Variants in GMEB2 observed in about 807,000 individuals in gnomAD.
GMEB2 encodes the protein glucocorticoid modulatory element-binding protein 2.
A neutral mutation model predicts 45.7 loss-of-function variants in GMEB2; 7 were observed. The observed-to-expected ratio is 0.15, with a 90% confidence interval of 0.09 to 0.29. The LOEUF (loss-of-function observed/expected upper bound fraction) is 0.29, where lower values mean the gene tolerates loss of function less well. Ranked by LOEUF, GMEB2 falls within the 10% of genes least tolerant of loss-of-function variation. The pLI is 1.00. For missense variants in GMEB2, 582 were observed against 739.2 expected, an observed-to-expected ratio of 0.79 and a Z score of 2.47; for synonymous variants, 322 against 323.6, an observed-to-expected ratio of 1.00 and a Z score of 0.05.
Position 63,598,044 on chromosome 20 carries a change from C to T in GMEB2, c.358-184G>A, listed in dbSNP as rs149239983. 4.9e-3 allele frequency among the ~76,000 whole-genome samples: 752 copies of T among 152,286 alleles called. 5 individuals are homozygous for T. Among genetic ancestry groups the T allele is most frequent in the African/African-American group, 0.017 (722 of 41,552 alleles). ...AGGACATGACCCACAGGCACGGTGG[C>T]TGCAGTGGGGAGTGGTGTCTCCTCC... On this transcript the variant is annotated intron_variant, in intron 4 of 9. Transcript: ENST00000370077.
chr20:63,593,205 A>C lies in GMEB2; in HGVS notation c.620-123T>G. ...TCCATCTGTCTTCACAAAACTGACAAACACAGGATACGCACTAGTACAGCC... is the reference window on the plus strand; with the variant it reads ...TCCATCTGTCTTCACAAAACTGACACACACAGGATACGCACTAGTACAGCC... On this transcript the variant is annotated intron_variant, in intron 6 of 9. Coordinates refer to ENST00000370077, the MANE Select transcript of GMEB2 (RefSeq NM_012384.5). The surrounding 1 kb of genome is among the most constrained non-coding windows in gnomAD (Gnocchi z 4.7). 1 of 677,332 alleles carries C rather than the reference A, an allele frequency of 1.5e-6. No individual in the cohort carries two copies. The highest frequency in any genetic ancestry group is 1.6e-5 in the South Asian group (1 of 62,558). 42.0% of individuals were successfully genotyped at this position (677,332 alleles called of 1,614,324 possible). A position where few individuals can be genotyped will look rare whatever the true frequency, so the allele number is the denominator to read the frequency against.
chr20:63,602,943 C>T (rs770748430), intron 4 of GMEB2, 22 bp downstream of exon 4: 2 of 1,611,872 alleles, frequency 1.2e-6, no homozygotes, highest in East Asian at 2.2e-5. Context: ...TCTCCTGGGC[C>T]CTGAATGCAG....
chr20:63,588,851 C>T lies in GMEB2; in HGVS notation c.*1238G>A, dbSNP rs1180625336. 2 of 398,464 alleles carry T rather than the reference C, an allele frequency of 5.0e-6. No homozygotes were observed. The highest frequency in any genetic ancestry group is 8.8e-6 in the Non-Finnish European group (2 of 226,078). 24.7% of individuals were successfully genotyped at this position (398,464 alleles called of 1,614,324 possible). A position where few individuals can be genotyped will look rare whatever the true frequency, so the allele number is the denominator to read the frequency against. Reference sequence around the variant, plus strand: ...TCCCTGAGATGCCTGCCCCAGGACCCTGGCCTGGAGGGGCCTCAGCCTGGT... The same window carrying T: ...TCCCTGAGATGCCTGCCCCAGGACCTTGGCCTGGAGGGGCCTCAGCCTGGT... On this transcript the variant is annotated 3_prime_UTR_variant, in exon 10 of 10. Coordinates refer to ENST00000370077, the MANE Select transcript of GMEB2 (RefSeq NM_012384.5).
chr20:63,624,703 A>G (rs2089659633), intron 1 of GMEB2, among the ~76,000 whole-genome samples: 2 of 152,146 alleles, frequency 1.3e-5, no homozygotes, highest in African/African-American at 4.8e-5. Flanking sequence ...TGGCAACTGC[A>G]TACATACATA....
intron 1 of GMEB2, among the ~76,000 whole-genome samples, chr20:63,625,602 AC>A (rs1484935904): frequency 6.7e-5 from 10 of 149,868 alleles, no homozygotes; most frequent in Admixed American, 4.7e-4. Context: ...ATTTTATTTT[AC>A]TTTTTTTTTT....
chr20:63,621,379 A>G (rs1003562982), intron 1 of GMEB2, among the ~76,000 whole-genome samples: 13 of 152,232 alleles, frequency 8.5e-5, no homozygotes, highest in African/African-American at 3.1e-4. Flanking sequence ...CACACATTTA[A>G]AAACAGTTAA....
intron 9 of GMEB2, among the ~76,000 whole-genome samples, chr20:63,591,475 G>GT (rs3838005): frequency 0.51 from 77,614 of 151,058 alleles, 20,817 homozygotes; most frequent in Middle Eastern, 0.66. Context: ...CTCTGTCATT[G>GT]TTTTTTTTTG....
At position 63,592,687 on chromosome 20, in the gene GMEB2, G is replaced by A. The variant is rs1435055271; in HGVS notation, c.692-17C>T. On this transcript the variant is annotated splice_polypyrimidine_tract_variant and intron_variant, in intron 7 of 9. Coordinates refer to ENST00000370077, the MANE Select transcript of GMEB2 (RefSeq NM_012384.5). The surrounding 1 kb of genome is among the most constrained non-coding windows in gnomAD (Gnocchi z 8.2). The stretch of plus-strand genomic sequence containing the variant: ...ATGTGTCATCTGTGAGGGAAGGAGT[G>A]GGTTCAGTGGGCAGGGAAAGTGCTG... 6.2e-7 allele frequency: 1 copy of A among 1,609,722 alleles called. No individual in the cohort carries two copies.
In GMEB2 at chr20:63,590,143, C is replaced by A; in HGVS notation, c.1539G>T (p.Glu513Asp). The change falls in exon 10 of 10, where the codon GAG (glutamate) becomes GAT (aspartate). Residue 513 changes from glutamate to aspartate, a missense_variant. Physicochemically the swap from Glu to Asp is conservative, Grantham distance 45. This residue lies in a region of GMEB2 where 462 missense variants were observed against 586.7 expected (regional missense o/e 0.79). Transcript: ENST00000370077. ...VPAGAAPGPE[E>D]HTATIEVAAM... Reference sequence around the variant, plus strand: ...CAGCCACCTCAATGGTGGCCGTGTGCTCCTCAGGCCCGGGGGCAGCCCCTG... The same window carrying A: ...CAGCCACCTCAATGGTGGCCGTGTGATCCTCAGGCCCGGGGGCAGCCCCTG... 6.4e-7 allele frequency: 1 copy of A among 1,554,950 alleles called. No homozygotes were observed. The highest frequency in any genetic ancestry group is 1.2e-5 in the South Asian group (1 of 84,628).
chr20:63,598,219 T>C (rs1469629483), intron 4 of GMEB2, among the ~76,000 whole-genome samples: 1 of 152,170 alleles, frequency 6.6e-6, no homozygotes, highest in African/African-American at 2.4e-5. Context: ...CGTTATTGCA[T>C]ACGTTACATC....
chr20:63,593,709 T>A lies in GMEB2; in HGVS notation c.620-627A>T, dbSNP rs865869530. Among the ~76,000 whole-genome samples the A allele has an allele frequency of 1.8e-4, 28 of 152,232 alleles. No homozygotes were observed. In the South Asian group the frequency reaches 5.6e-3, roughly 30 times the overall value. On this transcript the variant is annotated intron_variant, in intron 6 of 9. Coordinates refer to ENST00000370077, the MANE Select transcript of GMEB2 (RefSeq NM_012384.5). This position sits in a 1 kb window ranked among gnomAD's most constrained non-coding sequence, Gnocchi z 4.7. ...TTGGGCGTTGCTGATAGAGACTTTA[T>A]ACACAGATCTGGCTTAAAAAACAAA...
chr20:63,604,200 G>GGA (rs372740409), intron 3 of GMEB2, among the ~76,000 whole-genome samples: 4 of 118,966 alleles, frequency 3.4e-5, no homozygotes, highest in East Asian at 2.6e-4. Flanking sequence ...CCTATTTCTT[G>GGA]AAAAAAAAAA....
intron 1 of GMEB2, among the ~76,000 whole-genome samples, chr20:63,626,532 G>GGGTGGCCCCTGCGGGTCGCGT (rs1404294489): frequency 1.1e-5 from 1 of 90,280 alleles, no homozygotes; most frequent in Non-Finnish European, 2.5e-5. Flanking sequence ...CGTCCCTGTG[G>GGGTGGCCCCTGCGGGTCGCGT]GGTGGCCCCT....
chr20:63,619,458 G>A lies in GMEB2; in HGVS notation c.-57-4C>T. 1.3e-6 allele frequency: 2 copies of A among 1,566,778 alleles called. No individual in the cohort carries two copies. The highest frequency in any genetic ancestry group is 1.1e-5 in the South Asian group (1 of 87,796). ...CAGTCCTCCAGGGTCCCAAGTCCTGGAGGAAGCAAGGCAGGGCACAGGGAT... is the reference window on the plus strand; with the variant it reads ...CAGTCCTCCAGGGTCCCAAGTCCTGAAGGAAGCAAGGCAGGGCACAGGGAT... On this transcript the variant is annotated splice_region_variant and splice_polypyrimidine_tract_variant and intron_variant, in intron 1 of 9. Coordinates refer to ENST00000370077, the MANE Select transcript of GMEB2 (RefSeq NM_012384.5). The surrounding 1 kb of genome is among the most constrained non-coding windows in gnomAD (Gnocchi z 4.6).
Position 63,590,209 on chromosome 20 carries a change from G to A in GMEB2, c.1473C>T (p.Ala491=). 1.9e-6 allele frequency: 3 copies of A among 1,608,628 alleles called. No individual in the cohort carries two copies. The highest frequency in any genetic ancestry group is 2.5e-6 in the Non-Finnish European group (3 of 1,178,470). ...TTGTGCTGGAGCCAGGCGAGGCCTG[G>A]GCCACGTTCTGCAGGGTGGGGCCCA... ...PGLGPTLQNV[A]QASPGSSTIV... The change falls in exon 10 of 10, where the codon GCC becomes GCT. Residue 491 remains alanine, a synonymous_variant. Coordinates refer to ENST00000370077, the MANE Select transcript of GMEB2 (RefSeq NM_012384.5).
At chr20:63,607,258 C>T (rs75805934) in intron 2 of GMEB2, among the ~76,000 whole-genome samples, 52 of 113,368 alleles carry the variant, frequency 4.6e-4, no homozygotes, top group East Asian at 9.3e-4. Flanking sequence ...TAGAAACATG[C>T]CCCTCTGACC....
chr20:63,604,200 G>A (rs1346859144), intron 3 of GMEB2, among the ~76,000 whole-genome samples: 157 of 118,910 alleles, frequency 1.3e-3, no homozygotes, highest in Middle Eastern at 4.2e-3. Flanking sequence ...CCTATTTCTT[G>A]AAAAAAAAAA....
At chr20:63,604,190 C>G (rs975438789) in intron 3 of GMEB2, among the ~76,000 whole-genome samples, 1 of 141,268 alleles carries the variant, frequency 7.1e-6, no homozygotes, top group Non-Finnish European at 1.5e-5. Flanking sequence ...ACAGTGGGAC[C>G]CTATTTCTTG....
At chr20:63,621,667 C>CAAAA (rs56222018) in intron 1 of GMEB2, among the ~76,000 whole-genome samples, 23 of 54,608 alleles carry the variant, frequency 4.2e-4, no homozygotes, top group South Asian at 2.1e-3. Flanking sequence ...AACTCCATCT[C>CAAAA]AAAAAAAAAA....
Sources: allele counts gnomAD v4.1 joint callset (sites outside exome capture counted in the v4.1 genomes callset), GRCh38; gene constraint gnomAD v4.1.1; regional missense constraint gnomAD v4.1.1; non-coding constraint Gnocchi (gnomAD v3.1); transcripts MANE v1.5; gene names NCBI Gene and HGNC (gene_info 2026-07-23, HGNC 2026-07-21).